BEND6: variants seen among roughly 807,000 people sequenced by gnomAD.
BEND6 encodes BEN domain containing 6.
In BEND6, 24 loss-of-function variants were observed where a neutral mutation model predicts 31.8. The observed-to-expected ratio is 0.75, with a 90% confidence interval of 0.55 to 1.06. BEND6 has a LOEUF of 1.06. Among genes scored for constraint, BEND6 ranks in the 50% least tolerant of loss-of-function variants. The pLI is 0.00. For missense variants in BEND6, 294 were observed against 327.4 expected (o/e 0.90, Z 0.79); for synonymous variants, 109 against 114.6 (o/e 0.95, Z 0.31).
At chr6:56,968,682 T>C (rs139619558) in intron 1 of BEND6, among the ~76,000 whole-genome samples, 1 of 152,176 alleles carries the variant, frequency 6.6e-6, no homozygotes, top group East Asian at 1.9e-4. Flanking sequence ...CCATAACAGT[T>C]TGGCAGCATT....
intron 1 of BEND6, among the ~76,000 whole-genome samples, chr6:56,973,786 A>G (rs1825776291): frequency 6.6e-6 from 1 of 152,148 alleles, no homozygotes; most frequent in Admixed American, 6.6e-5. Context: ...ACAGGGTCTC[A>G]TTCTGCCACC....
Position 57,018,670 on chromosome 6 carries a change from TG to T in BEND6, c.*9+114del, listed in dbSNP as rs1231755499. The T allele has an allele frequency of 2.9e-5, 32 of 1,109,868 alleles. No individual in the cohort carries two copies. The African/African-American group carries it at 4.9e-4, about 17-fold the overall frequency. 68.8% of individuals were successfully genotyped at this position (1,109,868 alleles called of 1,614,324 possible). Reference sequence around the variant, plus strand: ...TCTACTAGAAAATACTAGTGACCCATGAAAAGCTAATAGGTATTCCTGGTGG... The same window carrying T: ...TCTACTAGAAAATACTAGTGACCCATAAAAGCTAATAGGTATTCCTGGTGG... On this transcript the variant is annotated intron_variant, in intron 6 of 6. Coordinates refer to ENST00000370746, the MANE Select transcript of BEND6 (RefSeq NM_152731.3).
chr6:56,981,953 T>C, intron 2 of BEND6, 23 bp downstream of exon 2: 1 of 1,596,728 alleles, frequency 6.3e-7, no homozygotes, highest in Non-Finnish European at 8.5e-7. Context: ...TTACCTTGAC[T>C]CAACTTTGTT....
At chr6:57,023,958 G>T (rs1348944459) in intron 6 of BEND6, among the ~76,000 whole-genome samples, 1 of 152,022 alleles carries the variant, frequency 6.6e-6, no homozygotes, top group East Asian at 1.9e-4. Context: ...TATTTTTAGT[G>T]AATCTATTAA....
At chr6:56,965,675 T>TC (rs1825450065) in intron 1 of BEND6, among the ~76,000 whole-genome samples, 1 of 116,478 alleles carries the variant, frequency 8.6e-6, no homozygotes. Context: ...CACAAAAAAA[T>TC]TTATATATAT....
At chr6:57,012,935 A>G (rs950230598) in intron 3 of BEND6, among the ~76,000 whole-genome samples, 8 of 152,068 alleles carry the variant, frequency 5.3e-5, no homozygotes, top group Non-Finnish European at 8.8e-5. Flanking sequence ...CGACCCCCTC[A>G]TTCTCTACGG....
At position 56,958,109 on chromosome 6, in the gene BEND6, A is replaced by G. The variant is rs371024346; in HGVS notation, c.-101+2649A>G. Among the ~76,000 whole-genome samples the G allele has an allele frequency of 2.3e-4, 35 of 152,300 alleles. No homozygotes were observed. In the South Asian group the frequency reaches 3.7e-3, roughly 16 times the overall value. On this transcript the variant is annotated intron_variant, in intron 1 of 6. Coordinates refer to ENST00000370746, the MANE Select transcript of BEND6 (RefSeq NM_152731.3). The stretch of plus-strand genomic sequence containing the variant: ...AATTCCGGCATAAACACCAAAGGCA[A>G]AGGGAAGCCTGACACTTTATAATCC...
intron 6 of BEND6, among the ~76,000 whole-genome samples, chr6:57,020,481 C>T (rs906144025): frequency 2.0e-5 from 3 of 152,056 alleles, no homozygotes; most frequent in African/African-American, 4.8e-5. Flanking sequence ...AGTTCAGTGG[C>T]GCGATCTCTG....
chr6:57,011,434 A>G (rs1827337097), intron 3 of BEND6, among the ~76,000 whole-genome samples: 1 of 152,200 alleles, frequency 6.6e-6, no homozygotes. Flanking sequence ...CTTTGTTTGT[A>G]ATAAAGAAAA....
At chr6:56,991,465 C>G (rs569394768) in intron 2 of BEND6, among the ~76,000 whole-genome samples, 1 of 151,978 alleles carries the variant, frequency 6.6e-6, no homozygotes, top group Non-Finnish European at 1.5e-5. Flanking sequence ...GCCTCTACCT[C>G]CCTTTAATCA....
At chr6:57,001,317 C>A (rs944534771) in intron 3 of BEND6, among the ~76,000 whole-genome samples, 5 of 152,066 alleles carry the variant, frequency 3.3e-5, no homozygotes, top group Non-Finnish European at 5.9e-5. Context: ...GCATGCACCA[C>A]AATGCCTGGC....
chr6:56,998,338 T>C (rs1485649267), intron 3 of BEND6, among the ~76,000 whole-genome samples: 1 of 152,136 alleles, frequency 6.6e-6, no homozygotes, highest in Non-Finnish European at 1.5e-5. Flanking sequence ...CTAAGAAAAA[T>C]GGCAGAATGA....
chr6:57,011,726 AAAAAAAAAAG>A (rs1302309877), intron 3 of BEND6, among the ~76,000 whole-genome samples: 59 of 147,700 alleles, frequency 4.0e-4, no homozygotes, highest in African/African-American at 4.3e-4. Context: ...AAAAAAAAAA[AAAAAAAAAAG>A]AAAAAAAAAG....
chr6:56,991,118 A>G (rs1692186682), intron 2 of BEND6, among the ~76,000 whole-genome samples: 3 of 152,330 alleles, frequency 2.0e-5, no homozygotes, highest in East Asian at 3.9e-4. Context: ...AAAAAATTGC[A>G]AACATTTAAA....
intron 2 of BEND6, among the ~76,000 whole-genome samples, chr6:56,984,730 A>C (rs767417527): frequency 6.6e-6 from 1 of 152,354 alleles, no homozygotes; most frequent in East Asian, 1.9e-4. Flanking sequence ...ATCTGTGTTC[A>C]GCCTCTTTTC....
chr6:57,010,562 C>G (rs983214868), intron 3 of BEND6: 2 of 432,988 alleles, frequency 4.6e-6, no homozygotes, highest in Non-Finnish European at 6.1e-6. Flanking sequence ...TGAGATGATG[C>G]CTGTGCTTTG....
At chr6:56,986,809 G>T (rs1328353089) in intron 2 of BEND6, among the ~76,000 whole-genome samples, 2 of 152,070 alleles carry the variant, frequency 1.3e-5, no homozygotes, top group African/African-American at 4.8e-5. Flanking sequence ...TTGTTTCAGG[G>T]TGTCCCTTGG....
intron 6 of BEND6, among the ~76,000 whole-genome samples, chr6:57,022,164 C>CTTTTTTTTTTT (rs57185788): frequency 1.8e-5 from 2 of 111,160 alleles, no homozygotes; most frequent in Non-Finnish European, 3.9e-5. Context: ...TTTTCTTTTT[C>CTTTTTTTTTTT]TTTTTTTTTT....
rs1186467211 is a variant in BEND6, at chr6:57,015,221, A to G, written c.387A>G (p.Ala129=). 2 of 1,614,172 alleles carry G rather than the reference A, an allele frequency of 1.2e-6. No individual in the cohort carries two copies. The highest frequency in any genetic ancestry group is 1.7e-6 in the Non-Finnish European group (2 of 1,180,024). The change falls in exon 4 of 7, where the codon GCA becomes GCG. Residue 129 remains alanine, a synonymous_variant. Coordinates refer to ENST00000370746, the MANE Select transcript of BEND6 (RefSeq NM_152731.3). ...LKGGGTMSTS[A]STLWRATNNS... Reference sequence around the variant, plus strand: ...GTGGGGGAACCATGTCTACATCTGCATCCACCCTCTGGAGAGCAACAAACA... The same window carrying G: ...GTGGGGGAACCATGTCTACATCTGCGTCCACCCTCTGGAGAGCAACAAACA...
Sources: allele counts gnomAD v4.1 joint callset (sites outside exome capture counted in the v4.1 genomes callset), GRCh38; gene constraint gnomAD v4.1.1; transcripts MANE v1.5; gene names NCBI Gene and HGNC (gene_info 2026-07-23, HGNC 2026-07-21).